MED23: variants seen among roughly 807,000 people sequenced by gnomAD.
MED23 encodes mediator complex subunit 23.
MED23 carries 105 observed loss-of-function variants against 163.9 expected under a neutral mutation model. The ratio of observed to expected loss-of-function variants is 0.64; its 90% CI spans 0.55 to 0.75. MED23 has a LOEUF of 0.75. Ranked by LOEUF, MED23 falls within the 30% of genes least tolerant of loss-of-function variation. The pLI is 0.00. For synonymous variants in MED23, 561 were observed against 565.6 expected, an observed-to-expected ratio of 0.99 and a Z score of 0.12; for missense variants, 1,054 against 1,649.0, an observed-to-expected ratio of 0.64 and a Z score of 6.25.
intron 3 of MED23, among the ~76,000 whole-genome samples, chr6:131,625,783 TG>T (rs1447810967): frequency 1.3e-5 from 2 of 152,148 alleles, no homozygotes; most frequent in Non-Finnish European, 2.9e-5. Context: ...TGTTTTTGAT[TG>T]GCAAAGATCA....
At chr6:131,623,298 G>A (rs937962176) in intron 5 of MED23, 53 bp downstream of exon 5, 127 of 1,424,278 alleles carry the variant, frequency 8.9e-5, no homozygotes, top group Non-Finnish European at 1.0e-4. Context: ...CATGCACACC[G>A]AAAAATCAAT....
downstream of MED23, chr6:131,582,746 CAT>C: frequency 6.3e-7 from 1 of 1,597,448 alleles, no homozygotes; most frequent in Non-Finnish European, 8.6e-7. Context: ...GATTTGCCTC[CAT>C]TTTTGTCCCT....
In MED23 at chr6:131,576,646, A is replaced by T. The variant is rs762210089; in HGVS notation, c.4096-2351T>A. 2 of 1,610,736 alleles carry T rather than the reference A, an allele frequency of 1.2e-6. No individual in the cohort carries two copies. The highest frequency in any genetic ancestry group is 1.1e-5 in the South Asian group (1 of 90,988). On this transcript the variant is annotated intron_variant, in intron 30 of 30. Transcript: ENST00000354577. ...GTCATGATAATGTCTGAAGTACTTT[A>T]TTTTTTAATTGTTCAGCCACGAGGA... is the stretch of plus-strand genomic sequence containing the variant.
chr6:131,584,381 C>T (rs867873385), downstream of MED23: 1,001 of 156,490 alleles, frequency 6.4e-3, 17 homozygotes, highest in African/African-American at 0.023. Flanking sequence ...CACACACACA[C>T]ACACACACAC....
rs764913779 is a variant in MED23, at chr6:131,615,364, G to A, written c.876+543C>T. 19 of 1,607,054 alleles carry A rather than the reference G, an allele frequency of 1.2e-5. No homozygotes were observed. In the South Asian group the frequency reaches 2.0e-4, roughly 17 times the overall value. On this transcript the variant is annotated intron_variant, in intron 10 of 28. Transcript: ENST00000368068. ...GGTCTAGAGCATTGGAGGATGGGCA[G>A]GACAAGACAGGACAGAACAAAAATA...
In MED23 at chr6:131,618,467, T is replaced by C; in HGVS notation, c.720A>G (p.Ser240=). The change falls in exon 9 of 29, where the codon TCA becomes TCG. Residue 240 remains serine (S), a synonymous_variant. Transcript: ENST00000368068. ...VVNNSGAICN[S]WKLDPATLRF... Reference sequence around the variant, plus strand: ...GAAGAGTAGCAGGATCCAGTTTCCATGAATTACAAATGGCACCCGAATTAT... The same window carrying C: ...GAAGAGTAGCAGGATCCAGTTTCCACGAATTACAAATGGCACCCGAATTAT... 1.2e-6 allele frequency: 2 copies of C among 1,614,082 alleles called. No individual in the cohort carries two copies. The highest frequency in any genetic ancestry group is 2.2e-5 in the East Asian group (1 of 44,864).
At position 131,609,156 on chromosome 6, in the gene MED23, C is replaced by T. The variant is rs902562885; in HGVS notation, c.1077+890G>A. On this transcript the variant is annotated intron_variant, in intron 11 of 28. Coordinates refer to ENST00000368068, the MANE Select transcript of MED23 (RefSeq NM_004830.4). ...GGCTTTGTACCTGTCCATCGCTACA[C>T]CACCTTCTTTCTCCATGTGGACATT... Among the ~76,000 whole-genome samples, 32 of 152,170 alleles carry T rather than the reference C, an allele frequency of 2.1e-4. 1 individual carries two copies.
intron 16 of MED23, among the ~76,000 whole-genome samples, chr6:131,602,617 TA>T (rs932165244): frequency 2.6e-5 from 4 of 152,186 alleles, no homozygotes; most frequent in African/African-American, 4.8e-5. Context: ...CCTATAGGAC[TA>T]AAAAATTTCA....
intron 17 of MED23, 104 bp from the exon 18 acceptor site, chr6:131,600,266 G>T (rs2114642206): frequency 2.6e-6 from 3 of 1,159,134 alleles, no homozygotes; most frequent in East Asian, 5.2e-5. Flanking sequence ...GAATTTCACT[G>T]CAGTGCATTC....
At chr6:131,596,291 C>T (rs1775042692) in intron 21 of MED23, 128 bp from the exon 22 acceptor site, 4 of 936,470 alleles carry the variant, frequency 4.3e-6, no homozygotes, top group Non-Finnish European at 6.6e-6. Context: ...CTTGATTATA[C>T]TTTACTTCTT....
chr6:131,579,894 G>A (rs1285100985), intron 30 of MED23, among the ~76,000 whole-genome samples: 4 of 151,932 alleles, frequency 2.6e-5, no homozygotes, highest in Non-Finnish European at 5.9e-5. Context: ...TCTATGTTGT[G>A]TTCTCACTCT....
At chr6:131,626,632 G>A (rs1338851423) in intron 3 of MED23, among the ~76,000 whole-genome samples, 3 of 152,110 alleles carry the variant, frequency 2.0e-5, no homozygotes, top group Non-Finnish European at 2.9e-5. Flanking sequence ...TAAGAGAAGA[G>A]AAAGAGACTA....
chr6:131,581,477 G>C, intron 30 of MED23: 2 of 1,361,732 alleles, frequency 1.5e-6, no homozygotes, highest in Non-Finnish European at 2.0e-6. Context: ...CTTATTCTTG[G>C]TGTAATCTCA....
At chr6:131,620,898 G>T (rs1051483186) in intron 6 of MED23, among the ~76,000 whole-genome samples, 169 bp from the exon 7 acceptor site, 34 of 151,804 alleles carry the variant, frequency 2.2e-4, no homozygotes, top group African/African-American at 8.2e-4. Flanking sequence ...AACCTCTGGG[G>T]CTCCAGTGGT....
intron 26 of MED23, among the ~76,000 whole-genome samples, 153 bp downstream of exon 26, chr6:131,591,160 A>G (rs1774595618): frequency 6.7e-6 from 1 of 149,798 alleles, no homozygotes; most frequent in Non-Finnish European, 1.5e-5. Flanking sequence ...TTGTATTTTT[A>G]GTAGAGATGG....
intron 30 of MED23, chr6:131,576,755 A>G (rs1465923258): frequency 1.2e-6 from 2 of 1,602,508 alleles, no homozygotes; most frequent in Non-Finnish European, 1.7e-6. Flanking sequence ...AAGTTGAAAA[A>G]TGATCAGCCT....
In MED23 at chr6:131,591,470, A is replaced by G. The variant is rs756893792; in HGVS notation, c.3529T>C (p.Leu1177=). The change falls in exon 26 of 29, where the codon TTG becomes CTG. Residue 1177 remains leucine, a synonymous_variant. Coordinates refer to ENST00000368068, the MANE Select transcript of MED23 (RefSeq NM_004830.4). Reference sequence around the variant, plus strand: ...CCAACCCACTCTGTTTCAGACGTCAAGCTGGGGCTGCTGATGACACTCACA... The same window carrying G: ...CCAACCCACTCTGTTTCAGACGTCAGGCTGGGGCTGCTGATGACACTCACA... The part of the protein sequence containing the change: ...RIVSVISSPS[L]TSETEWVGYP... 2.5e-6 allele frequency: 4 copies of G among 1,613,842 alleles called. No individual in the cohort carries two copies. The highest frequency in any genetic ancestry group is 3.4e-6 in the Non-Finnish European group (4 of 1,179,866).
Position 131,618,403 on chromosome 6 carries a change from A to T in MED23, c.780+4T>A, listed in dbSNP as rs371587600. On this transcript the variant is annotated splice_donor_region_variant and intron_variant, in intron 9 of 28. Transcript: ENST00000368068. ...TAAAAGTGCCATTATATTTAGCAAC[A>T]TACCTTATCATATGGCAAAAGGCCT... is the stretch of plus-strand genomic sequence containing the variant. The T allele has an allele frequency of 1.5e-5, 24 of 1,598,814 alleles. No individual in the cohort carries two copies. The African/African-American group carries it at 2.9e-4, about 20-fold the overall frequency.
chr6:131,598,533 T>C lies in MED23; in HGVS notation c.2426+23A>G, dbSNP rs772996670. ...GGATACAACAATTTGCCAAATGGAA[T>C]GCAAATTAGGTTTTTGACTTACCTA... On this transcript the variant is annotated intron_variant, in intron 19 of 28. Transcript: ENST00000368068. The surrounding 1 kb of genome is among the most constrained non-coding windows in gnomAD (Gnocchi z 4.7). 2.5e-6 allele frequency: 4 copies of C among 1,613,614 alleles called. No individual in the cohort carries two copies. The highest frequency in any genetic ancestry group is 3.4e-6 in the Non-Finnish European group (4 of 1,179,558).
Sources: gnomAD v4.1 joint callset for allele counts (sites outside exome capture counted in the v4.1 genomes callset) on GRCh38, gnomAD v4.1.1 for gene constraint, Gnocchi (gnomAD v3.1) non-coding constraint, MANE v1.5 for transcripts, NCBI Gene and HGNC (gene_info 2026-07-23, HGNC 2026-07-21) for gene names.